The following SDK2 variants were observed in gnomAD, a reference collection of about 807,000 sequenced individuals.
SDK2 encodes protein sidekick-2.
SDK2 carries 105 observed loss-of-function variants against 253.9 expected under a neutral mutation model. That is an observed-to-expected ratio of 0.41 (90% CI 0.35 to 0.49). SDK2 has a LOEUF of 0.49. SDK2 is among the 20% of genes least tolerant of loss of function. SDK2 has a pLI of 0.06. For missense variants in SDK2, 2,608 were observed against 3,003.0 expected (o/e 0.87, Z 3.07); for synonymous variants, 1,249 against 1,234.9 (o/e 1.01, Z -0.24).
intron 36 of SDK2, among the ~76,000 whole-genome samples, chr17:73,374,595 G>A (rs2062761929): frequency 7.0e-6 from 1 of 143,854 alleles, no homozygotes; most frequent in South Asian, 2.3e-4. Context: ...AGCCTCCCCA[G>A]TAGCTGGAAT....
intron 1 of SDK2, among the ~76,000 whole-genome samples, chr17:73,582,282 G>A (rs2145884156): frequency 6.8e-6 from 1 of 147,868 alleles, no homozygotes; most frequent in Admixed American, 6.6e-5. Context: ...GCATTTGGGG[G>A]CGCACACCAC....
intron 15 of SDK2, among the ~76,000 whole-genome samples, chr17:73,419,879 CA>C (rs869121884): frequency 0.028 from 3,487 of 122,702 alleles, 73 homozygotes; most frequent in African/African-American, 0.072. Context: ...GACCCTGTCT[CA>C]AAAAAAAAAA....
chr17:73,607,751 C>T (rs1470498540), intron 1 of SDK2, among the ~76,000 whole-genome samples: 2 of 151,962 alleles, frequency 1.3e-5, no homozygotes, highest in African/African-American at 2.4e-5. Context: ...AGTCGGATCT[C>T]GGGGACCTCC....
At chr17:73,422,690 C>A (rs1420931590) in intron 14 of SDK2, among the ~76,000 whole-genome samples, 1 of 152,044 alleles carries the variant, frequency 6.6e-6, no homozygotes, top group Non-Finnish European at 1.5e-5. Context: ...CCCCCACTAC[C>A]CCCCACAAAT....
chr17:73,601,806 C>T (rs1006942717), intron 1 of SDK2, among the ~76,000 whole-genome samples: 1 of 151,940 alleles, frequency 6.6e-6, no homozygotes, highest in Admixed American at 6.6e-5. Flanking sequence ...TGCAGTGGCG[C>T]CATTTTGGCT....
chr17:73,349,734 T>C (rs1418524768), intron 43 of SDK2, among the ~76,000 whole-genome samples: 5 of 152,280 alleles, frequency 3.3e-5, no homozygotes, highest in African/African-American at 1.2e-4. Flanking sequence ...AATAAGGACC[T>C]GGGGGAGAGG....
chr17:73,504,835 G>C (rs972757227), intron 2 of SDK2, among the ~76,000 whole-genome samples: 1 of 152,070 alleles, frequency 6.6e-6, no homozygotes, highest in Non-Finnish European at 1.5e-5. Flanking sequence ...ATGGTCTAGC[G>C]GGGGTGGCAG....
rs1448471859 is a variant in SDK2, at chr17:73,395,370, T to C, written c.3377A>G (p.Asn1126Ser). The change falls in exon 25 of 45, where the codon AAT becomes AGT. Residue 1126 changes from asparagine to serine, a missense_variant. Transcript: ENST00000392650. The surrounding 1 kb of genome is among the most constrained non-coding windows in gnomAD (Gnocchi z 4.3). ...ATAGCCCACGGACTCAGGGTTCCCA[T>C]TGTATTCCATCTCCGGGAGAGGCTG... ...RWMPLPEMEY[N>S]GNPESVGYKI... The C allele has an allele frequency of 1.2e-6, 2 of 1,613,906 alleles. No homozygotes were observed. Among genetic ancestry groups the C allele is most frequent in the Admixed American group, 1.7e-5 (1 of 60,012 alleles).
intron 36 of SDK2, among the ~76,000 whole-genome samples, chr17:73,378,257 C>A (rs529600406): frequency 2.0e-5 from 3 of 152,112 alleles, no homozygotes; most frequent in Non-Finnish European, 4.4e-5. Flanking sequence ...TGCCACCACA[C>A]CTGGCTAATT....
At chr17:73,566,744 A>C (rs78520755) in intron 1 of SDK2, among the ~76,000 whole-genome samples, 3,459 of 152,258 alleles carry the variant, frequency 0.023, 56 homozygotes, top group African/African-American at 0.054. Context: ...ACTTACAAGT[A>C]ATAACCCAAG....
intron 1 of SDK2, among the ~76,000 whole-genome samples, chr17:73,540,443 C>A (rs758422618): frequency 2.0e-5 from 3 of 152,152 alleles, no homozygotes; most frequent in Non-Finnish European, 2.9e-5. Flanking sequence ...TTCTTGCTGT[C>A]GCAATGAGAC....
rs550086980 is a variant in SDK2 at position 73,402,574 on chromosome 17, G to T, written c.2485-433C>A. On this transcript the variant is annotated intron_variant, in intron 18 of 44. Transcript: ENST00000392650. ...TCCTTCCAAACGTGGGGCCCTGGAC[G>T]ACTGCACAGGTGGCACACCCATGAA... Among the ~76,000 whole-genome samples the T allele has an allele frequency of 3.9e-5, 6 of 152,264 alleles. No individual in the cohort carries two copies. The East Asian group carries it at 1.2e-3, about 29-fold the overall frequency.
chr17:73,435,306 G>T lies in SDK2; in HGVS notation c.1195+144C>A. 1 of 753,272 alleles carries T rather than the reference G, an allele frequency of 1.3e-6. No homozygotes were observed. 46.7% of individuals were successfully genotyped at this position (753,272 alleles called of 1,614,324 possible). On this transcript the variant is annotated intron_variant, in intron 9 of 44. Transcript: ENST00000392650. The surrounding 1 kb of genome is among the most constrained non-coding windows in gnomAD (Gnocchi z 5.7). ...CAGCGGTAACTGGCTGTGCCCCCAG[G>T]CTGCTGGGCAGCAGGCGGCCTTTGG...
At chr17:73,412,689 T>C (rs766456163) in intron 18 of SDK2, among the ~76,000 whole-genome samples, 18 of 151,958 alleles carry the variant, frequency 1.2e-4, no homozygotes, top group Non-Finnish European at 2.4e-4. Flanking sequence ...GCCGAGGCAG[T>C]CGAATTACTT....
chr17:73,559,881 C>T (rs1406725791), intron 1 of SDK2, among the ~76,000 whole-genome samples: 2 of 152,228 alleles, frequency 1.3e-5, no homozygotes, highest in African/African-American at 4.8e-5. Flanking sequence ...GCCTGATCCC[C>T]CCAGGGCTGG....
intron 2 of SDK2, among the ~76,000 whole-genome samples, chr17:73,483,210 A>G (rs2063737699): frequency 1.3e-5 from 2 of 151,458 alleles, no homozygotes; most frequent in Admixed American, 1.3e-4. Context: ...GCCTTGATGC[A>G]GGAGCTGTGT....
rs576002980 is a variant in SDK2, at chr17:73,541,290, C to T, written c.65-33693G>A. Reference sequence around the variant, plus strand: ...GAGCTGCCTGCCAGGAGCTCTCCACCCTTCTAAAAGGTGGACCAGGGCCAG... The same window carrying T: ...GAGCTGCCTGCCAGGAGCTCTCCACTCTTCTAAAAGGTGGACCAGGGCCAG... On this transcript the variant is annotated intron_variant, in intron 1 of 44. Coordinates refer to ENST00000392650, the MANE Select transcript of SDK2 (RefSeq NM_001144952.2). This position sits in a 1 kb window ranked among gnomAD's most constrained non-coding sequence, Gnocchi z 4.3. Among the ~76,000 whole-genome samples the T allele has an allele frequency of 1.1e-4, 16 of 152,246 alleles. No individual in the cohort carries two copies. The East Asian group carries it at 3.1e-3, about 30-fold the overall frequency.
intron 1 of SDK2, among the ~76,000 whole-genome samples, chr17:73,543,221 G>C (rs937219042): frequency 1.3e-5 from 2 of 152,142 alleles, no homozygotes; most frequent in Non-Finnish European, 2.9e-5. Context: ...CTCCAGAAGG[G>C]CTGGGGAGGG....
chr17:73,380,913 G>A lies in SDK2; in HGVS notation c.4743C>T (p.Leu1581=). Residue 1581 remains leucine (L), a synonymous_variant, in exon 34 of 45, where the codon CTC becomes CTT. Coordinates refer to ENST00000392650, the MANE Select transcript of SDK2 (RefSeq NM_001144952.2). ...YSMRNLSRPS[L]TQYELDNLNK... is the part of the protein sequence containing the mutation. Reference sequence around the variant, plus strand: ...ACTTACTGTCCAGCTCGTACTGCGTGAGGCTGGGCCGGCTCAGGTTCCGCA... The same window carrying A: ...ACTTACTGTCCAGCTCGTACTGCGTAAGGCTGGGCCGGCTCAGGTTCCGCA... 6.4e-7 allele frequency: 1 copy of A among 1,569,790 alleles called. No individual in the cohort carries two copies. The highest frequency in any genetic ancestry group is 8.6e-7 in the Non-Finnish European group (1 of 1,157,316).
Sources: gnomAD v4.1 joint callset for allele counts (sites outside exome capture counted in the v4.1 genomes callset) on GRCh38, gnomAD v4.1.1 for gene constraint, Gnocchi (gnomAD v3.1) non-coding constraint, MANE v1.5 for transcripts, NCBI Gene and HGNC (gene_info 2026-07-23, HGNC 2026-07-21) for gene names.